FCHSD2: variants seen among roughly 807,000 people sequenced by gnomAD.
FCHSD2 encodes the protein FCH and double SH3 domains 2, also known as F-BAR and double SH3 domains protein 2.
Under a neutral mutation model 108.1 loss-of-function variants are expected in FCHSD2, and 38 were observed. The ratio of observed to expected loss-of-function variants is 0.35; its 90% confidence interval spans 0.27 to 0.46. The LOEUF is 0.46. FCHSD2 is among the 20% of genes least tolerant of loss of function. The pLI is 1.00. For missense variants in FCHSD2, 751 were observed against 897.8 expected (o/e 0.84, Z 2.09); for synonymous variants, 279 against 314.7 (o/e 0.89, Z 1.20).
At chr11:73,079,464 C>T (rs1859632473) in intron 3 of FCHSD2, among the ~76,000 whole-genome samples, 1 of 152,000 alleles carries the variant, frequency 6.6e-6, no homozygotes, top group Admixed American at 6.6e-5. Flanking sequence ...TCCCAAAGTG[C>T]TGGGATTACA....
intron 13 of FCHSD2, among the ~76,000 whole-genome samples, chr11:72,861,925 C>T (rs1476666491): frequency 2.8e-5 from 2 of 72,056 alleles, no homozygotes; most frequent in African/African-American, 1.1e-4. Flanking sequence ...AAGCGAAACG[C>T]CGTCTCAAAA....
chr11:72,902,929 AC>A (rs1435073630), intron 9 of FCHSD2, among the ~76,000 whole-genome samples: 2 of 152,196 alleles, frequency 1.3e-5, no homozygotes, highest in Non-Finnish European at 2.9e-5. Flanking sequence ...TAGTTTTTAC[AC>A]AAAAAGCTAT....
At chr11:73,040,945 T>A (rs1858621435) in intron 3 of FCHSD2, among the ~76,000 whole-genome samples, 1 of 152,306 alleles carries the variant, frequency 6.6e-6, no homozygotes, top group Non-Finnish European at 1.5e-5. Context: ...GCAACTTTTT[T>A]AGCTCCCACA....
intron 2 of FCHSD2, among the ~76,000 whole-genome samples, chr11:73,095,585 A>G (rs1027111019): frequency 3.5e-4 from 53 of 152,224 alleles, no homozygotes; most frequent in African/African-American, 1.3e-3. Flanking sequence ...ATGATATGCT[A>G]TAAGGAGAGA....
chr11:72,984,334 T>G lies in FCHSD2; in HGVS notation c.577-118A>C. ...CCCAACAAGAATAAAGGTAACCACGTGCGGAAAACATTTATACGTATATAA... is the reference window on the plus strand; with the variant it reads ...CCCAACAAGAATAAAGGTAACCACGGGCGGAAAACATTTATACGTATATAA... On this transcript the variant is annotated intron_variant, in intron 7 of 19. Coordinates refer to ENST00000409418, the MANE Select transcript of FCHSD2 (RefSeq NM_014824.3). The G allele has an allele frequency of 2.4e-6, 2 of 835,730 alleles. 1 individual carries two copies. The highest frequency in any genetic ancestry group is 4.9e-4 in the Middle Eastern group (2 of 4,076). The allele number at this position is 835,730 out of a possible 1,614,324, so 51.8% of individuals were successfully genotyped here. A position where few individuals can be genotyped will look rare whatever the true frequency, so the allele number is the denominator to read the frequency against.
At chr11:72,887,637 T>A in intron 11 of FCHSD2, 63 bp from the exon 12 acceptor site, 2 of 1,044,238 alleles carry the variant, frequency 1.9e-6, no homozygotes, top group Non-Finnish European at 2.8e-6. Context: ...CTTAAGTGAT[T>A]AAAGTATTTA....
chr11:73,007,470 A>T (rs541428078), intron 4 of FCHSD2, among the ~76,000 whole-genome samples: 2 of 152,236 alleles, frequency 1.3e-5, no homozygotes, highest in South Asian at 2.1e-4. Flanking sequence ...AAAAAATTTT[A>T]AAATTAGCCA....
chr11:73,010,187 G>GA (rs1218148029), intron 4 of FCHSD2, among the ~76,000 whole-genome samples: 4 of 152,000 alleles, frequency 2.6e-5, no homozygotes, highest in Non-Finnish European at 5.9e-5. Flanking sequence ...GTCTATTGTT[G>GA]AAGCTTTCAA....
intron 8 of FCHSD2, among the ~76,000 whole-genome samples, chr11:72,976,186 T>C (rs1042595201): frequency 6.6e-6 from 1 of 152,230 alleles, no homozygotes; most frequent in African/African-American, 2.4e-5. Context: ...CAGAGAAAGA[T>C]ATATTCAGTA....
chr11:73,085,995 G>T (rs1441123920), intron 2 of FCHSD2, among the ~76,000 whole-genome samples: 1 of 152,186 alleles, frequency 6.6e-6, no homozygotes, highest in African/African-American at 2.4e-5. Flanking sequence ...TTTTAAAGAT[G>T]TTCAAAGAAT....
At chr11:72,933,199 G>A (rs1162108899) in intron 8 of FCHSD2, among the ~76,000 whole-genome samples, 1 of 152,126 alleles carries the variant, frequency 6.6e-6, no homozygotes, top group African/African-American at 2.4e-5. Context: ...CCTAATTACT[G>A]GGTGGAGGTG....
chr11:73,060,931 A>G (rs1399890797), intron 3 of FCHSD2, among the ~76,000 whole-genome samples: 2 of 152,230 alleles, frequency 1.3e-5, no homozygotes, highest in African/African-American at 4.8e-5. Flanking sequence ...AGGAAGGCTG[A>G]AAAAATGCTA....
At chr11:73,072,394 T>C (rs530523085) in intron 3 of FCHSD2, among the ~76,000 whole-genome samples, 4 of 152,102 alleles carry the variant, frequency 2.6e-5, no homozygotes, top group African/African-American at 9.7e-5. Flanking sequence ...TAATGAAGTT[T>C]AAAAACTTAA....
At chr11:72,916,295 C>T (rs773618235) in intron 9 of FCHSD2, among the ~76,000 whole-genome samples, 2 of 142,284 alleles carry the variant, frequency 1.4e-5, no homozygotes, top group Non-Finnish European at 3.1e-5. Flanking sequence ...CCTTTTGGTA[C>T]ACAACTTTTT....
chr11:73,096,987 A>ATTGTTTTTTTTTTTTT (rs1860096583), intron 2 of FCHSD2, among the ~76,000 whole-genome samples: 2 of 27,020 alleles, frequency 7.4e-5, no homozygotes, highest in African/African-American at 2.0e-4. Flanking sequence ...TCATTGATGG[A>ATTGTTTTTTTTTTTTT]TTTTTTTTTT....
intron 8 of FCHSD2, among the ~76,000 whole-genome samples, chr11:72,950,397 T>A (rs1489079806): frequency 1.3e-5 from 2 of 152,184 alleles, no homozygotes; most frequent in African/African-American, 4.8e-5. Flanking sequence ...TCTGAGAAAC[T>A]GTTGCCTATT....
intron 4 of FCHSD2, among the ~76,000 whole-genome samples, chr11:73,002,269 G>A (rs1041079951): frequency 6.6e-6 from 1 of 152,160 alleles, no homozygotes; most frequent in African/African-American, 2.4e-5. Flanking sequence ...TTACAAATTT[G>A]TTCATGTAAT....
At chr11:72,945,523 GGC>G in intron 8 of FCHSD2, among the ~76,000 whole-genome samples, 1 of 152,178 alleles carries the variant, frequency 6.6e-6, no homozygotes, top group South Asian at 2.1e-4. Context: ...CAAAAGCAAT[GGC>G]AACAAAAGCC....
At chr11:73,039,049 TACTTAAGTCTCC>T (rs1203674576) in intron 3 of FCHSD2, among the ~76,000 whole-genome samples, 1 of 152,206 alleles carries the variant, frequency 6.6e-6, no homozygotes, top group Non-Finnish European at 1.5e-5. Flanking sequence ...TTTCTAATAT[TACTTAAGTCTCC>T]ATAATAATTG....
Sources: allele counts gnomAD v4.1 joint callset (sites outside exome capture counted in the v4.1 genomes callset), GRCh38; gene constraint gnomAD v4.1.1; transcripts MANE v1.5; gene names NCBI Gene and HGNC (gene_info 2026-07-23, HGNC 2026-07-21).